The following NGEF variants were observed in gnomAD, a reference collection of about 807,000 sequenced individuals.
NGEF encodes ephexin-1.
A neutral mutation model predicts 80.9 loss-of-function variants in NGEF; 31 were observed. That is an observed-to-expected ratio of 0.38 (90% confidence interval 0.29 to 0.52). The LOEUF is 0.52. Ranked by LOEUF, NGEF falls within the 20% of genes least tolerant of loss-of-function variation. NGEF has a pLI of 0.84. For missense variants in NGEF, 709 were observed against 926.2 expected, an observed-to-expected ratio of 0.77 and a Z score of 3.04; for synonymous variants, 371 against 370.2, an observed-to-expected ratio of 1.00 and a Z score of -0.03.
chr2:232,944,846 G>A lies in NGEF; in HGVS notation c.384-17660C>T, dbSNP rs184677132. Reference sequence around the variant, plus strand: ...GGCTCACTGCAACCACCACCTCTCCGGTTCAAGTGATTCTCCTGCTTCAGC... The same window carrying A: ...GGCTCACTGCAACCACCACCTCTCCAGTTCAAGTGATTCTCCTGCTTCAGC... On this transcript the variant is annotated intron_variant, in intron 3 of 14. Coordinates refer to ENST00000264051, the MANE Select transcript of NGEF (RefSeq NM_019850.3). Among the ~76,000 whole-genome samples the A allele has an allele frequency of 2.0e-5, 3 of 150,120 alleles. No homozygotes were observed. The East Asian group carries it at 5.9e-4, about 30-fold the overall frequency.
At chr2:232,919,721 C>T (rs1443164081) in intron 5 of NGEF, among the ~76,000 whole-genome samples, 1 of 152,182 alleles carries the variant, frequency 6.6e-6, no homozygotes, top group Non-Finnish European at 1.5e-5. Context: ...TTGATAGTCA[C>T]CGAAGTCCAC....
chr2:232,938,010 G>A (rs1693362388), intron 3 of NGEF, among the ~76,000 whole-genome samples: 1 of 152,132 alleles, frequency 6.6e-6, no homozygotes, highest in African/African-American at 2.4e-5. Context: ...TGGTTAACTA[G>A]GGAAAAGGCC....
chr2:232,906,248 G>A (rs1425542878), intron 5 of NGEF, among the ~76,000 whole-genome samples: 20 of 108,306 alleles, frequency 1.8e-4, no homozygotes, highest in African/African-American at 6.5e-4. Context: ...CCGGCCAGCC[G>A]CCCCATCCGG....
chr2:232,955,464 G>C (rs1394758384), intron 3 of NGEF, among the ~76,000 whole-genome samples: 1 of 152,166 alleles, frequency 6.6e-6, no homozygotes, highest in South Asian at 2.1e-4. Flanking sequence ...CTGCTGATCA[G>C]CTCTTTGCTG....
At chr2:232,998,646 G>T (rs1694906343) in intron 1 of NGEF, among the ~76,000 whole-genome samples, 1 of 152,158 alleles carries the variant, frequency 6.6e-6, no homozygotes, top group Non-Finnish European at 1.5e-5. Flanking sequence ...TTTGGGGGCA[G>T]GGGCTCAAAG....
chr2:232,954,845 T>G (rs1693763295), intron 3 of NGEF, among the ~76,000 whole-genome samples: 1 of 151,246 alleles, frequency 6.6e-6, no homozygotes, highest in Admixed American at 6.6e-5. Flanking sequence ...GAAGGATGAA[T>G]AGAAACTATC....
At chr2:232,934,626 G>A (rs1452681844) in intron 3 of NGEF, among the ~76,000 whole-genome samples, 1 of 152,186 alleles carries the variant, frequency 6.6e-6, no homozygotes, top group Admixed American at 6.5e-5. Flanking sequence ...CTGACATTTT[G>A]TTCTGAATCA....
intron 5 of NGEF, among the ~76,000 whole-genome samples, chr2:232,919,860 A>T (rs1692896391): frequency 6.6e-6 from 1 of 152,198 alleles, no homozygotes; most frequent in Non-Finnish European, 1.5e-5. Flanking sequence ...GCCCCAAAAG[A>T]AAGTGGTGGG....
At chr2:232,897,775 G>A (rs1692146456) in intron 5 of NGEF, among the ~76,000 whole-genome samples, 3 of 152,256 alleles carry the variant, frequency 2.0e-5, no homozygotes, top group Middle Eastern at 3.4e-3. Flanking sequence ...TGGCCTCTCC[G>A]TGGCCATCCC....
chr2:232,900,285 C>T (rs111215051), intron 5 of NGEF, among the ~76,000 whole-genome samples: 11 of 131,500 alleles, frequency 8.4e-5, no homozygotes, highest in African/African-American at 2.0e-4. Flanking sequence ...CACACACACA[C>T]GCTCTCAGTC....
chr2:232,881,186 C>A lies in NGEF; in HGVS notation c.1902G>T (p.Glu634Asp). 1 of 1,612,176 alleles carries A rather than the reference C, an allele frequency of 6.2e-7. No individual in the cohort carries two copies. Residue 634 changes from glutamate (E) to aspartate (D), a missense_variant, in exon 14 of 15, where the codon GAG becomes GAT. Transcript: ENST00000264051. ...CCAGGATGTTGAGGATGTCGGCGAG[C>A]TCCAGCGTCAGCTCGTCTGGCTGCT... ...VAQQPDELTLELADILNILDK... is the reference protein window; with the variant it reads ...VAQQPDELTLDLADILNILDK...
At chr2:232,963,365 T>A (rs1693990889) in intron 3 of NGEF, among the ~76,000 whole-genome samples, 1 of 151,968 alleles carries the variant, frequency 6.6e-6, no homozygotes, top group African/African-American at 2.4e-5. Context: ...GACCCAAATG[T>A]GAAAATGAAG....
intron 5 of NGEF, among the ~76,000 whole-genome samples, chr2:232,913,258 T>G (rs1379630735): frequency 6.6e-6 from 1 of 152,262 alleles, no homozygotes; most frequent in Non-Finnish European, 1.5e-5. Flanking sequence ...CAGGGATTAT[T>G]GAGAAGTGTG....
chr2:232,995,277 T>C lies in NGEF; in HGVS notation c.-75+17791A>G, dbSNP rs1385035590. On this transcript the variant is annotated intron_variant, in intron 1 of 14. Coordinates refer to ENST00000264051, the MANE Select transcript of NGEF (RefSeq NM_019850.3). ...ATATGTGTACAGTATGTATGCTGTG[T>C]ACAGTATGTATACTGTATATGTGTA... Among the ~76,000 whole-genome samples the C allele has an allele frequency of 1.3e-4, 9 of 68,850 alleles. 4 individuals are homozygous for C. Among genetic ancestry groups the C allele is most frequent in the Non-Finnish European group, 2.3e-4 (9 of 39,222 alleles). 45.2% of individuals were successfully genotyped at this position (68,850 alleles called of 152,430 possible). A position where few individuals can be genotyped will look rare whatever the true frequency, so the allele number is the denominator to read the frequency against.
In NGEF at chr2:232,879,419, AGCC is replaced by A. The variant is rs902863324; in HGVS notation, c.*67_*69del. 17 of 1,186,210 alleles carry A rather than the reference AGCC, an allele frequency of 1.4e-5. No individual in the cohort carries two copies. In the African/African-American group the frequency reaches 4.5e-4, roughly 31 times the overall value. The allele number at this position is 1,186,210 out of a possible 1,614,324, so 73.5% of individuals were successfully genotyped here. On this transcript the variant is annotated 3_prime_UTR_variant, in exon 15 of 15. Transcript: ENST00000264051. ...GGAGGTGCTGGCCTGTGCTTCCCAG[AGCC>A]CCCCCCCCCCCACCTTCTGTCGGGG...
rs1486162584 is a variant in NGEF at position 232,881,265 on chromosome 2, G to A, written c.1838-15C>T. ...CTGGGGGCAGTCTGAGGGACAAGAG[G>A]CACGGGCACATCCCCACCACCGCAC... On this transcript the variant is annotated splice_polypyrimidine_tract_variant and intron_variant, in intron 13 of 14. Coordinates refer to ENST00000264051, the MANE Select transcript of NGEF (RefSeq NM_019850.3). 6.3e-7 allele frequency: 1 copy of A among 1,597,470 alleles called. No homozygotes were observed. The highest frequency in any genetic ancestry group is 1.3e-5 in the African/African-American group (1 of 74,862).
At chr2:232,904,252 T>C (rs1692438093) in intron 5 of NGEF, among the ~76,000 whole-genome samples, 1 of 152,094 alleles carries the variant, frequency 6.6e-6, no homozygotes, top group South Asian at 2.1e-4. Flanking sequence ...CTCACATCAT[T>C]CCAGCTCCAC....
intron 1 of NGEF, among the ~76,000 whole-genome samples, chr2:232,997,314 C>G (rs1178174403): frequency 6.6e-6 from 1 of 152,134 alleles, no homozygotes; most frequent in Non-Finnish European, 1.5e-5. Flanking sequence ...GGAAAAGGAG[C>G]CTGCCCTTGT....
At chr2:232,890,985 T>C (rs1392342761) in intron 8 of NGEF, 2 of 477,552 alleles carry the variant, frequency 4.2e-6, no homozygotes, top group African/African-American at 4.0e-5. Context: ...TGGAATGTTC[T>C]TTCCTCTACC....
Sources: allele counts gnomAD v4.1 joint callset (sites outside exome capture counted in the v4.1 genomes callset), GRCh38; gene constraint gnomAD v4.1.1; transcripts MANE v1.5; gene names NCBI Gene and HGNC (gene_info 2026-07-23, HGNC 2026-07-21).